Variants in PELI2 observed in about 807,000 individuals in gnomAD.
The protein encoded by PELI2 is pellino E3 ubiquitin protein ligase family member 2.
Under a neutral mutation model 42.3 loss-of-function variants are expected in PELI2, and 23 were observed. The observed-to-expected ratio is 0.54, with a 90% CI of 0.39 to 0.77. The LOEUF (loss-of-function observed/expected upper bound fraction) is 0.77. PELI2 is among the 30% of genes least tolerant of loss of function. The pLI is 0.00. For synonymous variants in PELI2, 245 were observed against 212.2 expected, an observed-to-expected ratio of 1.15 and a Z score of -1.34; for missense variants, 463 against 553.2, an observed-to-expected ratio of 0.84 and a Z score of 1.64.
intron 2 of PELI2, among the ~76,000 whole-genome samples, chr14:56,217,427 C>T (rs550333350): frequency 5.3e-5 from 8 of 152,326 alleles, no homozygotes; most frequent in East Asian, 3.9e-4. Context: ...AGAGGAGATT[C>T]GTATTCTGCT....
chr14:56,255,248 A>T (rs772125177), intron 2 of PELI2, among the ~76,000 whole-genome samples: 4 of 152,252 alleles, frequency 2.6e-5, no homozygotes, highest in African/African-American at 4.8e-5. Flanking sequence ...AATGCCCATC[A>T]GTGATAGACT....
At position 56,279,781 on chromosome 14, in the gene PELI2, A is replaced by G; in HGVS notation, c.309+4A>G. On this transcript the variant is annotated splice_donor_region_variant and intron_variant, in intron 3 of 5. Transcript: ENST00000267460. ...TAAGGATACGGATATGTTTCAGGTA[A>G]TATTTTTCTTTTTTAATAGAAATTT... 1 of 1,484,146 alleles carries G rather than the reference A, an allele frequency of 6.7e-7. No individual in the cohort carries two copies. Among genetic ancestry groups the G allele is most frequent in the Non-Finnish European group, 9.3e-7 (1 of 1,078,200 alleles). The allele number at this position is 1,484,146 out of a possible 1,614,324, so 91.9% of individuals were successfully genotyped here. A position where few individuals can be genotyped will look rare whatever the true frequency, so the allele number is the denominator to read the frequency against.
chr14:56,229,397 C>A (rs1887477627), intron 2 of PELI2, among the ~76,000 whole-genome samples: 1 of 152,200 alleles, frequency 6.6e-6, no homozygotes, highest in African/African-American at 2.4e-5. Context: ...ACGAAGCTTC[C>A]AGAGGAAGGA....
chr14:56,223,696 T>C (rs1039634659), intron 2 of PELI2, among the ~76,000 whole-genome samples: 3 of 152,252 alleles, frequency 2.0e-5, no homozygotes, highest in African/African-American at 7.2e-5. Context: ...TTTATTATTA[T>C]TAACTCCATT....
Position 56,118,567 on chromosome 14 carries a change from C to T in PELI2, c.-94C>T. 1 of 790,278 alleles carries T rather than the reference C, an allele frequency of 1.3e-6. No individual in the cohort carries two copies. The highest frequency in any genetic ancestry group is 1.7e-6 in the Non-Finnish European group (1 of 574,506). The allele number at this position is 790,278 out of a possible 1,614,324, so 49.0% of individuals were successfully genotyped here. A position where few individuals can be genotyped will look rare whatever the true frequency, so the allele number is the denominator to read the frequency against. Reference sequence around the variant, plus strand: ...CCTTCCCCGGCGCGCTCACCCCGTTCTCGGGATGGGATTGTAGCGGCGGCG... The same window carrying T: ...CCTTCCCCGGCGCGCTCACCCCGTTTTCGGGATGGGATTGTAGCGGCGGCG... On this transcript the variant is annotated 5_prime_UTR_variant, in exon 1 of 6. Coordinates refer to ENST00000267460, the MANE Select transcript of PELI2 (RefSeq NM_021255.3).
chr14:56,201,841 T>C (rs1438532573), intron 2 of PELI2, among the ~76,000 whole-genome samples: 2 of 152,246 alleles, frequency 1.3e-5, no homozygotes, highest in African/African-American at 2.4e-5. Flanking sequence ...GCTCAAATCA[T>C]TTTAAAGTTA....
chr14:56,217,097 C>T (rs1446489083), intron 2 of PELI2, among the ~76,000 whole-genome samples: 1 of 152,074 alleles, frequency 6.6e-6, no homozygotes, highest in Non-Finnish European at 1.5e-5. Context: ...AAATAGATTT[C>T]CTTGCATTCT....
chr14:56,190,214 TTATTA>T (rs1885910961), intron 2 of PELI2, among the ~76,000 whole-genome samples: 1 of 152,202 alleles, frequency 6.6e-6, no homozygotes, highest in Non-Finnish European at 1.5e-5. Context: ...TTAAATTATT[TTATTA>T]TTTTACTCTA....
At position 56,197,899 on chromosome 14, in the gene PELI2, G is replaced by A. The variant is rs543177573; in HGVS notation, c.207+19435G>A. ...ACACACATGCAGACACACACACCAG[G>A]AATGGTGACTGGTGAAGACACACAC... On this transcript the variant is annotated intron_variant, in intron 2 of 5. Transcript: ENST00000267460. The surrounding 1 kb of genome is among the most constrained non-coding windows in gnomAD (Gnocchi z 4.9). Among the ~76,000 whole-genome samples, 144 of 138,294 alleles carry A rather than the reference G, an allele frequency of 1.0e-3. No homozygotes were observed. Among genetic ancestry groups the A allele is most frequent in the African/African-American group, 3.9e-3 (140 of 36,124 alleles). The allele number at this position is 138,294 out of a possible 152,430, so 90.7% of individuals were successfully genotyped here.
intron 2 of PELI2, 73 bp downstream of exon 2, chr14:56,178,537 TCTTTC>T: frequency 6.6e-7 from 1 of 1,524,370 alleles, no homozygotes; most frequent in South Asian, 1.1e-5. Context: ...TCCGCTGCTC[TCTTTC>T]CTTTCGTCTT....
At chr14:56,186,504 A>G (rs905802036) in intron 2 of PELI2, among the ~76,000 whole-genome samples, 1 of 152,246 alleles carries the variant, frequency 6.6e-6, no homozygotes, top group African/African-American at 2.4e-5. Flanking sequence ...AATTTGTTAT[A>G]ACCACAAGAG....
At chr14:56,191,395 A>G (rs1330843989) in intron 2 of PELI2, among the ~76,000 whole-genome samples, 2 of 152,178 alleles carry the variant, frequency 1.3e-5, no homozygotes, top group South Asian at 2.1e-4. Flanking sequence ...TTTACCTAAC[A>G]CTCGAGTAGA....
At chr14:56,220,531 C>A (rs914803802) in intron 2 of PELI2, among the ~76,000 whole-genome samples, 2 of 152,090 alleles carry the variant, frequency 1.3e-5, no homozygotes, top group Non-Finnish European at 2.9e-5. Flanking sequence ...TATAAAAGGA[C>A]AACGCTGATT....
At chr14:56,173,138 C>A (rs570035939) in intron 1 of PELI2, among the ~76,000 whole-genome samples, 1 of 152,188 alleles carries the variant, frequency 6.6e-6, no homozygotes, top group Non-Finnish European at 1.5e-5. Context: ...CATGCCTCCC[C>A]CCGGATGTCC....
chr14:56,287,774 C>CTGAGCTA (rs1296757255), intron 3 of PELI2, among the ~76,000 whole-genome samples: 2 of 152,128 alleles, frequency 1.3e-5, no homozygotes, highest in African/African-American at 4.8e-5. Context: ...AGGAAGCAAG[C>CTGAGCTA]TGAGCTAAGT....
chr14:56,206,155 A>C lies in PELI2; in HGVS notation c.207+27691A>C, dbSNP rs548109429. Among the ~76,000 whole-genome samples the C allele has an allele frequency of 4.6e-5, 7 of 152,330 alleles. No homozygotes were observed. In the East Asian group the frequency reaches 1.2e-3, roughly 25 times the overall value. On this transcript the variant is annotated intron_variant, in intron 2 of 5. Transcript: ENST00000267460. ...AGTAGGAAGGTGACCTAATTAGAAC[A>C]AATGGTAACTTCAGGAGCTTTCTCA...
chr14:56,299,313 G>A lies in PELI2; in HGVS notation c.*2147G>A, dbSNP rs893851453. On this transcript the variant is annotated 3_prime_UTR_variant, in exon 6 of 6. Transcript: ENST00000267460. Reference sequence around the variant, plus strand: ...AACGTGACATATCCCCCAAAATGAAGTTACCTTCCAAGTTGGACACGTCCC... The same window carrying A: ...AACGTGACATATCCCCCAAAATGAAATTACCTTCCAAGTTGGACACGTCCC... 2.6e-5 allele frequency: 4 copies of A among 152,194 alleles called. No individual in the cohort carries two copies. The highest frequency in any genetic ancestry group is 9.7e-5 in the African/African-American group (4 of 41,424). The allele number at this position is 152,194 out of a possible 1,614,324, so 9.4% of individuals were successfully genotyped here.
chr14:56,130,954 C>A (rs7157701), intron 1 of PELI2, among the ~76,000 whole-genome samples: 2,844 of 152,222 alleles, frequency 0.019, 91 homozygotes, highest in African/African-American at 0.065. Flanking sequence ...ATTTGTATTT[C>A]GTTTATAGTT....
chr14:56,240,685 C>T (rs1043540867), intron 2 of PELI2, among the ~76,000 whole-genome samples: 5 of 152,148 alleles, frequency 3.3e-5, no homozygotes, highest in East Asian at 3.9e-4. Context: ...GAAGAGGAAA[C>T]GGAGTAGCTC....
Sources: allele counts gnomAD v4.1 joint callset (sites outside exome capture counted in the v4.1 genomes callset), GRCh38; gene constraint gnomAD v4.1.1; non-coding constraint Gnocchi (gnomAD v3.1); transcripts MANE v1.5; gene names NCBI Gene and HGNC (gene_info 2026-07-23, HGNC 2026-07-21).